The following ZGRF1 variants were observed in gnomAD, a reference collection of about 807,000 sequenced individuals.
The protein encoded by ZGRF1 is zinc finger GRF-type containing 1.
Under a neutral mutation model 203.5 loss-of-function variants are expected in ZGRF1, and 196 were observed. The observed-to-expected ratio is 0.96, with a 90% confidence interval of 0.86 to 1.08. The LOEUF (loss-of-function observed/expected upper bound fraction) is 1.08. Ranked by LOEUF, ZGRF1 falls within the 50% of genes least tolerant of loss-of-function variation. ZGRF1 has a pLI of 0.00. For synonymous variants in ZGRF1, 809 were observed against 841.3 expected (o/e 0.96, Z 0.66); for missense variants, 2,326 against 2,416.3 (o/e 0.96, Z 0.78).
chr4:112,540,974 C>G lies in ZGRF1; in HGVS notation c.5776-19G>C, dbSNP rs1179051255. On this transcript the variant is annotated intron_variant, in intron 25 of 27. Coordinates refer to ENST00000505019, the MANE Select transcript of ZGRF1 (RefSeq NM_018392.5). ...TTTCTATCTGGAGTAAGAAATAGATCCTAAATTATATTTCCCAGAAAGGCT... is the reference window on the plus strand; with the variant it reads ...TTTCTATCTGGAGTAAGAAATAGATGCTAAATTATATTTCCCAGAAAGGCT... 1 of 1,557,792 alleles carries G rather than the reference C, an allele frequency of 6.4e-7. No homozygotes were observed. The highest frequency in any genetic ancestry group is 2.4e-5 in the East Asian group (1 of 42,168).
intron 10 of ZGRF1, among the ~76,000 whole-genome samples, chr4:112,596,570 C>T (rs1749052274): frequency 1.3e-5 from 2 of 151,900 alleles, no homozygotes; most frequent in African/African-American, 4.8e-5. Context: ...AAGCACATGA[C>T]AGCGAAATTT....
In ZGRF1 at chr4:112,547,393, C is replaced by T; in HGVS notation, c.5490G>A (p.Lys1830=). The T allele has an allele frequency of 6.2e-7, 1 of 1,610,566 alleles. No homozygotes were observed. Among genetic ancestry groups the T allele is most frequent in the Non-Finnish European group, 8.5e-7 (1 of 1,178,730 alleles). The change falls in exon 24 of 28, where the codon AAG becomes AAA. Residue 1830 remains lysine (K), a synonymous_variant. Transcript: ENST00000505019. Reference sequence around the variant, plus strand: ...GTTTGGGATCCCCAACAAGAATCAGCTTTTCACACTCAAACCTAAAACAGA... The same window carrying T: ...GTTTGGGATCCCCAACAAGAATCAGTTTTTCACACTCAAACCTAAAACAGA... ...LLPIARFECE[K]LILVGDPKQL...
chr4:112,554,615 C>T (rs150636136), intron 21 of ZGRF1, 90 bp downstream of exon 21: 31 of 677,042 alleles, frequency 4.6e-5, no homozygotes, highest in Non-Finnish European at 7.1e-5. Context: ...TTTCTCCATT[C>T]TTCAAAAATC....
intron 8 of ZGRF1, among the ~76,000 whole-genome samples, chr4:112,609,146 C>T (rs934717871): frequency 1.3e-5 from 2 of 151,876 alleles, no homozygotes; most frequent in Non-Finnish European, 2.9e-5. Context: ...CTCCGCCTCC[C>T]GGGTTCATGC....
intron 1 of ZGRF1, among the ~76,000 whole-genome samples, chr4:112,635,428 T>A (rs1239898851): frequency 6.6e-6 from 1 of 152,020 alleles, no homozygotes; most frequent in East Asian, 1.9e-4. Context: ...TTTTAACTTT[T>A]CTTTTTCTTT....
At chr4:112,601,531 G>A (rs1578412553) in intron 10 of ZGRF1, among the ~76,000 whole-genome samples, 1 of 150,822 alleles carries the variant, frequency 6.6e-6, no homozygotes, top group African/African-American at 2.4e-5. Context: ...CTGAGATCAC[G>A]CCACTGCACT....
intron 11 of ZGRF1, among the ~76,000 whole-genome samples, chr4:112,589,182 T>C (rs1157788239): frequency 6.6e-6 from 1 of 152,120 alleles, no homozygotes; most frequent in Non-Finnish European, 1.5e-5. Context: ...AAAGAAATTT[T>C]AGTGAAAGGG....
intron 16 of ZGRF1, among the ~76,000 whole-genome samples, chr4:112,566,947 A>G (rs568937900): frequency 7.1e-6 from 1 of 140,008 alleles, no homozygotes; most frequent in African/African-American, 2.6e-5. Context: ...CCTCTGGAGG[A>G]AAAAAAAAAA....
intron 11 of ZGRF1, among the ~76,000 whole-genome samples, chr4:112,588,511 A>G (rs950751998): frequency 2.0e-5 from 3 of 152,172 alleles, no homozygotes; most frequent in Non-Finnish European, 4.4e-5. Context: ...ATGGTGTTTG[A>G]TAAGAGTATA....
At chr4:112,572,832 C>T (rs1471824036) in intron 16 of ZGRF1, among the ~76,000 whole-genome samples, 1 of 152,116 alleles carries the variant, frequency 6.6e-6, no homozygotes, top group African/African-American at 2.4e-5. Context: ...CAGGGAAATG[C>T]AAATCAAAAC....
At position 112,540,107 on chromosome 4, in the gene ZGRF1, A is replaced by C. The variant is rs1236803570; in HGVS notation, c.5928T>G (p.Ser1976Arg). Residue 1976 changes from serine to arginine, a missense_variant, in exon 27 of 28, where the codon AGT becomes AGG. Transcript: ENST00000505019. ...SQMYKLCHLL[S>R]AVDFHHPDIK... ...TATCAGGATGGTGAAAGTCCACAGC[A>C]CTGAGTAAATGACAAAGCTGTGGAA... The C allele has an allele frequency of 6.4e-7, 1 of 1,572,616 alleles. No individual in the cohort carries two copies. Among genetic ancestry groups the C allele is most frequent in the Non-Finnish European group, 8.6e-7 (1 of 1,156,536 alleles).
Position 112,618,922 on chromosome 4 carries a change from A to T in ZGRF1, c.1120T>A (p.Phe374Ile), listed in dbSNP as rs561811287. The T allele has an allele frequency of 5.3e-5, 86 of 1,613,990 alleles. No homozygotes were observed. In the East Asian group the frequency reaches 1.8e-3, roughly 34 times the overall value. ...CTCTCTTCAGCATACGTTTCAACGA[A>T]CTGTATAATTTTTTGTAATGAAAGG... ...KDLSLQKIIQ[F>I]VETYAEERKK... Residue 374 changes from phenylalanine (F) to isoleucine (I), a missense_variant, in exon 6 of 28, where the codon TTC becomes ATC. Transcript: ENST00000505019.
intron 24 of ZGRF1, among the ~76,000 whole-genome samples, chr4:112,545,812 A>G (rs1311086400): frequency 6.6e-6 from 1 of 152,174 alleles, no homozygotes; most frequent in East Asian, 1.9e-4. Flanking sequence ...ACATGCTACA[A>G]GGATGAACTC....
chr4:112,634,692 A>C (rs1306989852), intron 1 of ZGRF1, among the ~76,000 whole-genome samples: 1 of 151,884 alleles, frequency 6.6e-6, no homozygotes, highest in Non-Finnish European at 1.5e-5. Context: ...GGTGAAGTGC[A>C]AGAAAGTGAC....
intron 21 of ZGRF1, 76 bp from the exon 22 acceptor site, chr4:112,554,058 T>A: frequency 1.5e-6 from 2 of 1,308,134 alleles, no homozygotes. Flanking sequence ...ATAGATTTTC[T>A]TTTTTTTATT....
In ZGRF1 at chr4:112,560,869, C is replaced by T. The variant is rs151055336; in HGVS notation, c.4824G>A (p.Glu1608=). 6.6e-5 allele frequency: 106 copies of T among 1,613,652 alleles called. 1 individual carries two copies. The highest frequency in any genetic ancestry group is 5.1e-5 in the Non-Finnish European group (60 of 1,179,790). ...SLGATLKLAS[E]LIQVHKLNKD... ...TGTTTAACTTGTGTACCTGAATCAA[C>T]TCACTAGCTAACTTCAATGTTGCTC... is the stretch of plus-strand genomic sequence containing the variant. The change falls in exon 19 of 28, where the codon GAG becomes GAA. Residue 1608 remains glutamate (E), a synonymous_variant. Transcript: ENST00000505019.
intron 3 of ZGRF1, among the ~76,000 whole-genome samples, chr4:112,624,669 G>GA (rs149806807): frequency 0.03 from 4,598 of 151,996 alleles, 180 homozygotes; most frequent in African/African-American, 0.087. Context: ...GGTAAGGGGG[G>GA]AAAAAGGATG....
intron 3 of ZGRF1, among the ~76,000 whole-genome samples, chr4:112,625,040 G>C (rs1385107611): frequency 6.6e-6 from 1 of 152,134 alleles, no homozygotes; most frequent in Non-Finnish European, 1.5e-5. Flanking sequence ...GATACTCCAG[G>C]TACTCTGCAG....
At chr4:112,559,523 A>T (rs1741547298) in intron 19 of ZGRF1, among the ~76,000 whole-genome samples, 1 of 152,176 alleles carries the variant, frequency 6.6e-6, no homozygotes, top group Non-Finnish European at 1.5e-5. Context: ...TTGTGTTTTT[A>T]AAAAACAACT....
Sources: allele counts gnomAD v4.1 joint callset (sites outside exome capture counted in the v4.1 genomes callset), GRCh38; gene constraint gnomAD v4.1.1; transcripts MANE v1.5; gene names NCBI Gene and HGNC (gene_info 2026-07-23, HGNC 2026-07-21).